Variants in USP24 observed in about 807,000 individuals in gnomAD.
USP24 encodes ubiquitin carboxyl-terminal hydrolase 24.
Under a neutral mutation model 361.6 loss-of-function variants are expected in USP24, and 97 were observed. That is an observed-to-expected ratio of 0.27 (90% CI 0.23 to 0.32). The LOEUF (loss-of-function observed/expected upper bound fraction) is 0.32. USP24 is among the 10% of genes least tolerant of loss of function. The pLI is 1.00. For missense variants in USP24, 2,353 were observed against 3,165.6 expected (o/e 0.74, Z 6.16); for synonymous variants, 1,098 against 1,124.6 (o/e 0.98, Z 0.47).
rs543685194 is a variant in USP24 at position 55,077,161 on chromosome 1, T to C, written c.7380+74A>G. On this transcript the variant is annotated intron_variant, in intron 62 of 67. Coordinates refer to ENST00000294383, the MANE Select transcript of USP24 (RefSeq NM_015306.3). ...AATGGAGAAATAATAAAAAGACATATAATTTTTTATTTATAAACACTTGTT... is the reference window on the plus strand; with the variant it reads ...AATGGAGAAATAATAAAAAGACATACAATTTTTTATTTATAAACACTTGTT... 6.3e-5 allele frequency: 81 copies of C among 1,277,864 alleles called. No homozygotes were observed. In the African/African-American group the frequency reaches 1.0e-3, roughly 16 times the overall value. The allele number at this position is 1,277,864 out of a possible 1,614,324, so 79.2% of individuals were successfully genotyped here.
chr1:55,205,308 A>G (rs969118327), intron 1 of USP24, among the ~76,000 whole-genome samples: 4 of 152,244 alleles, frequency 2.6e-5, no homozygotes, highest in African/African-American at 9.6e-5. Context: ...AAAAACAATT[A>G]GCAAGGCAAA....
At chr1:55,098,214 T>C (rs1184751260) in intron 46 of USP24, 130 bp from the exon 47 acceptor site, 1 of 1,202,074 alleles carries the variant, frequency 8.3e-7, no homozygotes, top group Admixed American at 3.1e-5. Flanking sequence ...TAAAAGTCCA[T>C]TACTAAGTTA....
intron 1 of USP24, among the ~76,000 whole-genome samples, chr1:55,185,614 G>A (rs1329858212): frequency 6.6e-6 from 1 of 152,140 alleles, no homozygotes; most frequent in African/African-American, 2.4e-5. Flanking sequence ...AGGCTGGAGT[G>A]CAAAGGCACA....
At position 55,114,166 on chromosome 1, in the gene USP24, CT is replaced by C. The variant is rs926666361; in HGVS notation, c.4509-3921del. On this transcript the variant is annotated intron_variant, in intron 38 of 67. Transcript: ENST00000294383. ...AATTACTACAAAGAGAAAAAAATAC[CT>C]AGGAATACAACTTACAAGGCATGTG... 3.7e-4 allele frequency among the ~76,000 whole-genome samples: 57 copies of C among 152,130 alleles called. 1 individual carries two copies. The highest frequency in any genetic ancestry group is 1.3e-3 in the African/African-American group (55 of 41,476).
chr1:55,149,880 C>T (rs1647145392), intron 16 of USP24, among the ~76,000 whole-genome samples: 2 of 152,172 alleles, frequency 1.3e-5, no homozygotes, highest in South Asian at 4.1e-4. Flanking sequence ...AAAGATTACA[C>T]TATAATGCAA....
chr1:55,166,579 A>G lies in USP24; in HGVS notation c.850T>C (p.Leu284=). 1 of 1,593,708 alleles carries G rather than the reference A, an allele frequency of 6.3e-7. No homozygotes were observed. The highest frequency in any genetic ancestry group is 8.5e-7 in the Non-Finnish European group (1 of 1,169,886). ...CAAAAGTCATATACCTTATTTACCA[A>G]ATCCACAACCCATCCATGAGGCTCC... is the stretch of plus-strand genomic sequence containing the variant. ...QKEPHGWVVD[L]VNKFGELGGF... Residue 284 remains leucine, a synonymous_variant, in exon 6 of 68, where the codon TTG becomes CTG. Coordinates refer to ENST00000294383, the MANE Select transcript of USP24 (RefSeq NM_015306.3).
chr1:55,118,363 T>C (rs1043595894), intron 38 of USP24, among the ~76,000 whole-genome samples: 1 of 152,234 alleles, frequency 6.6e-6, no homozygotes, highest in African/African-American at 2.4e-5. Context: ...GAAAGGATAG[T>C]ATTTTTAAAA....
At chr1:55,081,289 G>T in intron 59 of USP24, 33 bp downstream of exon 59, 1 of 1,591,802 alleles carries the variant, frequency 6.3e-7, no homozygotes, top group African/African-American at 1.3e-5. Context: ...GACAAATTCA[G>T]TATCTCTTCA....
chr1:55,180,390 C>T (rs1400996225), intron 1 of USP24, among the ~76,000 whole-genome samples: 2 of 152,142 alleles, frequency 1.3e-5, no homozygotes, highest in African/African-American at 4.8e-5. Context: ...GCAGAGGGCC[C>T]GTATGGTTGT....
chr1:55,074,567 G>C (rs1237208711), intron 63 of USP24, among the ~76,000 whole-genome samples: 1 of 152,018 alleles, frequency 6.6e-6, no homozygotes, highest in East Asian at 1.9e-4. Flanking sequence ...TTGTGGGGCA[G>C]AGTTTGCAGT....
chr1:55,190,161 T>C (rs1321975480), intron 1 of USP24, among the ~76,000 whole-genome samples: 3 of 53,742 alleles, frequency 5.6e-5, no homozygotes, highest in East Asian at 7.6e-4. Flanking sequence ...CAAGACTCCA[T>C]CTCAAAAAAA....
At chr1:55,145,796 A>G (rs899168199) in intron 20 of USP24, among the ~76,000 whole-genome samples, 1 of 152,196 alleles carries the variant, frequency 6.6e-6, no homozygotes, top group African/African-American at 2.4e-5. Flanking sequence ...AGCAGGCCAT[A>G]TGATTTAAAA....
Position 55,139,020 on chromosome 1 carries a change from A to T in USP24, c.2751-10T>A, listed in dbSNP as rs569172189. ...TACAAGTTTAGTAGATCTATAGATT[A>T]AAAAAAAAAAGTATTAAAATGTATT... On this transcript the variant is annotated splice_polypyrimidine_tract_variant and intron_variant, in intron 24 of 67. Transcript: ENST00000294383. 137 of 671,028 alleles carry T rather than the reference A, an allele frequency of 2.0e-4. No individual in the cohort carries two copies. The African/African-American group carries it at 2.2e-3, about 11-fold the overall frequency. The allele number at this position is 671,028 out of a possible 1,614,324, so 41.6% of individuals were successfully genotyped here.
At chr1:55,113,701 C>T (rs892732989) in intron 38 of USP24, among the ~76,000 whole-genome samples, 3 of 152,174 alleles carry the variant, frequency 2.0e-5, no homozygotes, top group African/African-American at 7.2e-5. Context: ...TTGGCTTCAT[C>T]CCTGGGATGC....
At chr1:55,071,782 C>T in intron 67 of USP24, 32 bp downstream of exon 67, 1 of 1,585,626 alleles carries the variant, frequency 6.3e-7, no homozygotes, top group South Asian at 1.1e-5. Context: ...CAAGGCTGCC[C>T]TTTGCACACA....
intron 16 of USP24, among the ~76,000 whole-genome samples, chr1:55,149,061 TA>T (rs1308273441): frequency 6.6e-6 from 1 of 152,240 alleles, no homozygotes; most frequent in Non-Finnish European, 1.5e-5. Context: ...AAAATATTCA[TA>T]ATCTGTATTT....
At chr1:55,102,623 T>G (rs544961847) in intron 42 of USP24, among the ~76,000 whole-genome samples, 7 of 152,282 alleles carry the variant, frequency 4.6e-5, no homozygotes, top group African/African-American at 1.7e-4. Flanking sequence ...AGACATATAC[T>G]TACAGCAGGA....
intron 47 of USP24, 45 bp from the exon 48 acceptor site, chr1:55,097,762 A>G: frequency 2.6e-6 from 4 of 1,517,840 alleles, no homozygotes; most frequent in African/African-American, 1.4e-5. Flanking sequence ...AATGATCTCC[A>G]TGGAGAAAAT....
chr1:55,181,173 A>G (rs946205000), intron 1 of USP24, among the ~76,000 whole-genome samples: 3 of 152,220 alleles, frequency 2.0e-5, no homozygotes, highest in Non-Finnish European at 4.4e-5. Flanking sequence ...TCATAAATAT[A>G]AAGCAGAAAT....
Sources: allele counts gnomAD v4.1 joint callset (sites outside exome capture counted in the v4.1 genomes callset), GRCh38; gene constraint gnomAD v4.1.1; transcripts MANE v1.5; gene names NCBI Gene and HGNC (gene_info 2026-07-23, HGNC 2026-07-21).